The following FAM91A1 variants were observed in gnomAD, a reference collection of about 807,000 sequenced individuals.
The protein encoded by FAM91A1 is protein FAM91A1.
Under a neutral mutation model 113.5 loss-of-function variants are expected in FAM91A1, and 41 were observed. The observed-to-expected ratio is 0.36, with a 90% CI of 0.28 to 0.47. The LOEUF (loss-of-function observed/expected upper bound fraction) is 0.47. FAM91A1 is among the 20% of genes least tolerant of loss of function. FAM91A1 has a pLI of 1.00. For missense variants in FAM91A1, 696 were observed against 1,001.2 expected (o/e 0.70, Z 4.11); for synonymous variants, 307 against 347.9 (o/e 0.88, Z 1.31).
intron 18 of FAM91A1, 109 bp from the exon 19 acceptor site, chr8:123,805,158 G>T (rs1033581190): frequency 1.3e-6 from 1 of 783,106 alleles, no homozygotes; most frequent in African/African-American, 1.8e-5. Flanking sequence ...TTTTGATGAG[G>T]TATTAATATG....
rs1816025576 is a variant in FAM91A1 at position 123,814,443 on chromosome 8, G to A, written c.*1739G>A. On this transcript the variant is annotated 3_prime_UTR_variant, in exon 24 of 24. Transcript: ENST00000334705. The stretch of plus-strand genomic sequence containing the variant: ...CCTATATTAACCATCTAAACCAACT[G>A]TAATGACATGTACACTAATACAGAA... The A allele has an allele frequency of 5.2e-6, 1 of 191,040 alleles. No individual in the cohort carries two copies. Among genetic ancestry groups the A allele is most frequent in the African/African-American group, 2.4e-5 (1 of 41,558 alleles). 11.8% of individuals were successfully genotyped at this position (191,040 alleles called of 1,614,324 possible). A position where few individuals can be genotyped will look rare whatever the true frequency, so the allele number is the denominator to read the frequency against.
intron 20 of FAM91A1, among the ~76,000 whole-genome samples, chr8:123,806,595 G>T (rs924667516): frequency 6.6e-6 from 1 of 152,112 alleles, no homozygotes; most frequent in African/African-American, 2.4e-5. Context: ...TCTGTCAAAA[G>T]GTACCATTGT....
intron 12 of FAM91A1, among the ~76,000 whole-genome samples, 186 bp downstream of exon 12, chr8:123,786,796 C>CT (rs2130090652): frequency 6.6e-6 from 1 of 152,276 alleles, no homozygotes; most frequent in Non-Finnish European, 1.5e-5. Flanking sequence ...AATATGGTAC[C>CT]TTTCTTCTAA....
intron 15 of FAM91A1, among the ~76,000 whole-genome samples, chr8:123,793,959 A>G (rs1815445591): frequency 6.6e-6 from 1 of 152,222 alleles, no homozygotes; most frequent in Non-Finnish European, 1.5e-5. Flanking sequence ...AATCTGTTGT[A>G]TGTTGAGTGA....
chr8:123,790,925 T>C (rs1815368423), intron 15 of FAM91A1, among the ~76,000 whole-genome samples: 1 of 152,234 alleles, frequency 6.6e-6, no homozygotes, highest in Non-Finnish European at 1.5e-5. Flanking sequence ...TGTTGATGGA[T>C]AACCATTTTT....
intron 15 of FAM91A1, among the ~76,000 whole-genome samples, chr8:123,795,031 C>T (rs888876066): frequency 7.9e-5 from 12 of 152,190 alleles, no homozygotes; most frequent in South Asian, 2.1e-4. Context: ...TATGTGGGTG[C>T]AGGATTACTA....
rs1815870162 is a variant in FAM91A1, at chr8:123,808,485, T to C, written c.2137+109T>C. The stretch of plus-strand genomic sequence containing the variant: ...TCTATTCTTATTATTCATACGACTT[T>C]TAAATAAGAGTTTTCTAGGAAGCCT... On this transcript the variant is annotated intron_variant, in intron 21 of 23. Transcript: ENST00000334705. 3.8e-5 allele frequency: 28 copies of C among 739,782 alleles called. 1 individual carries two copies. The South Asian group carries it at 7.3e-4, about 19-fold the overall frequency. The allele number at this position is 739,782 out of a possible 1,614,324, so 45.8% of individuals were successfully genotyped here. A position where few individuals can be genotyped will look rare whatever the true frequency, so the allele number is the denominator to read the frequency against.
chr8:123,812,893 G>A lies in FAM91A1; in HGVS notation c.*189G>A, dbSNP rs151026888. ...TTATTGCACATCTTATTGCGACAAA[G>A]TGCTTTTTAGCAGCCAGCACTGTAT... On this transcript the variant is annotated 3_prime_UTR_variant, in exon 24 of 24. Coordinates refer to ENST00000334705, the MANE Select transcript of FAM91A1 (RefSeq NM_144963.4). The A allele has an allele frequency of 7.7e-5, 38 of 495,994 alleles. No individual in the cohort carries two copies. Among genetic ancestry groups the A allele is most frequent in the Non-Finnish European group, 1.2e-4 (35 of 288,498 alleles). 30.7% of individuals were successfully genotyped at this position (495,994 alleles called of 1,614,324 possible).
At chr8:123,779,636 T>C (rs2130062598) in intron 6 of FAM91A1, among the ~76,000 whole-genome samples, 1 of 152,348 alleles carries the variant, frequency 6.6e-6, no homozygotes, top group South Asian at 2.1e-4. Context: ...TGAACTTTCC[T>C]GTTACTGACA....
intron 1 of FAM91A1, among the ~76,000 whole-genome samples, chr8:123,772,649 C>T (rs200465630): frequency 1.3e-5 from 2 of 152,148 alleles, no homozygotes; most frequent in East Asian, 3.9e-4. Flanking sequence ...GGGTGCTGCA[C>T]CCCTGTGCAG....
intron 15 of FAM91A1, among the ~76,000 whole-genome samples, chr8:123,794,973 C>A (rs1052738918): frequency 6.6e-6 from 1 of 152,174 alleles, no homozygotes; most frequent in Non-Finnish European, 1.5e-5. Context: ...GAAAACATTG[C>A]GCTTTTTGCA....
intron 10 of FAM91A1, among the ~76,000 whole-genome samples, 156 bp downstream of exon 10, chr8:123,785,275 A>G (rs1013678021): frequency 9.9e-5 from 15 of 152,204 alleles, no homozygotes; most frequent in African/African-American, 3.6e-4. Flanking sequence ...TTGCAAAGAC[A>G]GGAAAGAGCA....
At chr8:123,781,851 A>G (rs187005434) in intron 8 of FAM91A1, among the ~76,000 whole-genome samples, 80 of 152,352 alleles carry the variant, frequency 5.3e-4, no homozygotes, top group Non-Finnish European at 6.3e-4. Flanking sequence ...GCGTTTGTAT[A>G]GTTGATGCCG....
chr8:123,811,851 T>C (rs1333361256), intron 23 of FAM91A1, among the ~76,000 whole-genome samples: 1 of 152,146 alleles, frequency 6.6e-6, no homozygotes, highest in African/African-American at 2.4e-5. Flanking sequence ...CTTAGTGTTT[T>C]GTAAGGTTTT....
At chr8:123,778,134 A>C (rs1815033269) in intron 5 of FAM91A1, 42 bp downstream of exon 5, 1 of 1,466,154 alleles carries the variant, frequency 6.8e-7, no homozygotes, top group South Asian at 1.2e-5. Flanking sequence ...GCCTCATCAC[A>C]CAGTTTGATT....
intron 15 of FAM91A1, among the ~76,000 whole-genome samples, chr8:123,791,293 AT>A (rs34032505): frequency 9.5e-5 from 14 of 148,108 alleles, no homozygotes; most frequent in Non-Finnish European, 9.0e-5. Flanking sequence ...GTGTCTGTTG[AT>A]TTTTTTTTTT....
chr8:123,790,780 C>T (rs1001540833), intron 15 of FAM91A1, among the ~76,000 whole-genome samples: 1 of 152,170 alleles, frequency 6.6e-6, no homozygotes, highest in Non-Finnish European at 1.5e-5. Flanking sequence ...TTCACTTCTG[C>T]AGCCTTAATA....
chr8:123,807,126 C>G (rs1479286724), intron 20 of FAM91A1, among the ~76,000 whole-genome samples: 2 of 152,020 alleles, frequency 1.3e-5, no homozygotes, highest in Non-Finnish European at 2.9e-5. Flanking sequence ...ACTTGCCATC[C>G]AGTAGATTGG....
At position 123,813,325 on chromosome 8, in the gene FAM91A1, T is replaced by C. The variant is rs1242908674; in HGVS notation, c.*621T>C. 4 of 152,662 alleles carry C rather than the reference T, an allele frequency of 2.6e-5. No homozygotes were observed. Among genetic ancestry groups the C allele is most frequent in the African/African-American group, 9.6e-5 (4 of 41,464 alleles). 9.5% of individuals were successfully genotyped at this position (152,662 alleles called of 1,614,324 possible). On this transcript the variant is annotated 3_prime_UTR_variant, in exon 24 of 24. Coordinates refer to ENST00000334705, the MANE Select transcript of FAM91A1 (RefSeq NM_144963.4). The stretch of plus-strand genomic sequence containing the variant: ...ATTTATAAGGTCTTAAGATTATGAC[T>C]ATTCATTGACATCTCATGAGAAGCT...
Sources: allele counts gnomAD v4.1 joint callset (sites outside exome capture counted in the v4.1 genomes callset), GRCh38; gene constraint gnomAD v4.1.1; transcripts MANE v1.5; gene names NCBI Gene and HGNC (gene_info 2026-07-23, HGNC 2026-07-21).